Variants in MAP4K4 observed in about 807,000 individuals in gnomAD.
MAP4K4 encodes HPK/GCK-like kinase HGK.
Under a neutral mutation model 189.6 loss-of-function variants are expected in MAP4K4, and 38 were observed. The ratio of observed to expected loss-of-function variants is 0.20; its 90% CI spans 0.15 to 0.26. The LOEUF is 0.26. Among genes scored for constraint, MAP4K4 ranks in the 10% least tolerant of loss-of-function variants. The pLI, the probability that MAP4K4 is intolerant of heterozygous loss-of-function variation, is 1.00. For missense variants in MAP4K4, 1,054 were observed against 1,726.9 expected (o/e 0.61, Z 6.91); for synonymous variants, 610 against 624.3 (o/e 0.98, Z 0.34).
chr2:101,803,006 G>A (rs1461049669), intron 3 of MAP4K4, among the ~76,000 whole-genome samples: 1 of 151,994 alleles, frequency 6.6e-6, no homozygotes, highest in Non-Finnish European at 1.5e-5. Flanking sequence ...GGCTGGTCTC[G>A]AACTACTGAC....
chr2:101,815,170 G>A (rs2095644998), intron 3 of MAP4K4, among the ~76,000 whole-genome samples: 1 of 152,122 alleles, frequency 6.6e-6, no homozygotes, highest in South Asian at 2.1e-4. Context: ...TTTGTAGACA[G>A]TTTTTCGTAT....
chr2:101,861,242 C>A, intron 16 of MAP4K4: 1 of 326,400 alleles, frequency 3.1e-6, no homozygotes, highest in Non-Finnish European at 5.5e-6. Context: ...CCTTCCCTAA[C>A]TCAGGTGTTA....
At chr2:101,713,299 A>T (rs1256412201) in intron 2 of MAP4K4, among the ~76,000 whole-genome samples, 8 of 152,072 alleles carry the variant, frequency 5.3e-5, no homozygotes, top group Non-Finnish European at 1.2e-4. Context: ...CAATTAAAAA[A>T]TTTTTAATCC....
At chr2:101,856,002 G>T in exon 13 of MAP4K4, 1 of 1,551,034 alleles carries the variant, frequency 6.4e-7, no homozygotes, top group East Asian at 2.4e-5. Flanking sequence ...CGGGAAGCTA[G>T]AAGGCAGCAG....
chr2:101,841,746 C>T (rs892111327), intron 10 of MAP4K4, among the ~76,000 whole-genome samples: 7 of 152,090 alleles, frequency 4.6e-5, no homozygotes, highest in African/African-American at 4.8e-5. Flanking sequence ...GGATTACAGG[C>T]GGGAGCCACC....
chr2:101,835,801 C>G (rs1231613850), intron 8 of MAP4K4, 99 bp from the exon 9 acceptor site: 1 of 766,030 alleles, frequency 1.3e-6, no homozygotes. Context: ...GTCAGTCAGA[C>G]GATGGGCCAG....
intron 2 of MAP4K4, among the ~76,000 whole-genome samples, chr2:101,776,580 A>T (rs369763356): frequency 5.6e-5 from 1 of 17,822 alleles, no homozygotes; most frequent in African/African-American, 1.9e-4. Flanking sequence ...CCACCCCCCC[A>T]CCCCCCCAAA....
intron 28 of MAP4K4, among the ~76,000 whole-genome samples, chr2:101,883,567 A>T (rs1000780010): frequency 6.6e-6 from 1 of 152,224 alleles, no homozygotes; most frequent in Non-Finnish European, 1.5e-5. Flanking sequence ...ATACGGGAGA[A>T]ATAATGGACC....
intron 2 of MAP4K4, among the ~76,000 whole-genome samples, chr2:101,703,983 C>G (rs962052412): frequency 1.3e-5 from 2 of 152,120 alleles, no homozygotes; most frequent in Non-Finnish European, 2.9e-5. Flanking sequence ...CCACTGCACT[C>G]TAGCCTGGGT....
chr2:101,732,589 T>G (rs2058936217), intron 2 of MAP4K4, among the ~76,000 whole-genome samples: 1 of 152,126 alleles, frequency 6.6e-6, no homozygotes. Flanking sequence ...TCCTTGCTCC[T>G]TTTTTATTTT....
At position 101,796,444 on chromosome 2, in the gene MAP4K4, G is replaced by C. The variant is rs180833133; in HGVS notation, c.180+5668G>C. Among the ~76,000 whole-genome samples, 411 of 152,302 alleles carry C rather than the reference G, an allele frequency of 2.7e-3. 1 individual carries two copies. Among genetic ancestry groups the C allele is most frequent in the Non-Finnish European group, 2.1e-3 (146 of 68,022 alleles). ...TGTCGGTGAAGAACTGCAGCTCAGA[G>C]ACGCTAATAACTTCTTGCTCAGGAG... On this transcript the variant is annotated intron_variant, in intron 3 of 32. Transcript: ENST00000324219.
At chr2:101,766,866 GA>G (rs1246844037) in intron 2 of MAP4K4, among the ~76,000 whole-genome samples, 3 of 152,154 alleles carry the variant, frequency 2.0e-5, no homozygotes, top group Non-Finnish European at 4.4e-5. Flanking sequence ...AGGAAAGAAT[GA>G]AACAACAAAA....
chr2:101,776,736 A>G (rs543815955), intron 2 of MAP4K4, among the ~76,000 whole-genome samples: 1 of 152,210 alleles, frequency 6.6e-6, no homozygotes, highest in East Asian at 1.9e-4. Context: ...ATCAGATGCC[A>G]GGGTAATTTG....
At chr2:101,789,259 C>G (rs1374758215) in intron 2 of MAP4K4, among the ~76,000 whole-genome samples, 2 of 152,188 alleles carry the variant, frequency 1.3e-5, no homozygotes, top group African/African-American at 2.4e-5. Flanking sequence ...CTCTGAAATT[C>G]TACTCTTTCT....
At chr2:101,761,017 T>G (rs887796765) in intron 2 of MAP4K4, among the ~76,000 whole-genome samples, 1 of 152,108 alleles carries the variant, frequency 6.6e-6, no homozygotes, top group Non-Finnish European at 1.5e-5. Context: ...AAAAATTGTT[T>G]AAAGTGGAAT....
At chr2:101,755,923 CTTTTTCTTTTTTTTTTTTTTTTTT>C (rs1229567409) in intron 2 of MAP4K4, among the ~76,000 whole-genome samples, 1 of 77,182 alleles carries the variant, frequency 1.3e-5, no homozygotes, top group Admixed American at 1.4e-4. Context: ...AGTATGAGTT[CTTTTTCTTTTTTTTTTTTTTTTTT>C]TTTTTTTTTT....
chr2:101,779,996 C>G (rs1030958859), intron 2 of MAP4K4, among the ~76,000 whole-genome samples: 3 of 152,136 alleles, frequency 2.0e-5, no homozygotes, highest in Non-Finnish European at 4.4e-5. Context: ...TGCAACACAA[C>G]AACAGAAGTA....
At chr2:101,710,109 A>G (rs542422860) in intron 2 of MAP4K4, among the ~76,000 whole-genome samples, 1 of 152,300 alleles carries the variant, frequency 6.6e-6, no homozygotes, top group African/African-American at 2.4e-5. Flanking sequence ...TATGTCAAAG[A>G]CTGAATATTA....
At chr2:101,736,059 A>G (rs1336674688) in intron 2 of MAP4K4, among the ~76,000 whole-genome samples, 1 of 152,190 alleles carries the variant, frequency 6.6e-6, no homozygotes, top group African/African-American at 2.4e-5. Flanking sequence ...CACATCAAAT[A>G]TTTTGAATGT....
Sources: allele counts gnomAD v4.1 joint callset (sites outside exome capture counted in the v4.1 genomes callset), GRCh38; gene constraint gnomAD v4.1.1; transcripts MANE v1.5; gene names NCBI Gene and HGNC (gene_info 2026-07-23, HGNC 2026-07-21).